The following AKAP13 variants were observed in gnomAD, a reference collection of about 807,000 sequenced individuals.
AKAP13 encodes the protein A-kinase anchoring protein 13.
Under a neutral mutation model 264.5 loss-of-function variants are expected in AKAP13, and 80 were observed. That is an observed-to-expected ratio of 0.30 (90% confidence interval 0.25 to 0.36). AKAP13 has a LOEUF of 0.36. Among genes scored for constraint, AKAP13 ranks in the 10% least tolerant of loss-of-function variants. The probability of loss-of-function intolerance (pLI) is 1.00; values close to 1 mark genes in which losing one functional copy is unlikely to be tolerated. For synonymous variants in AKAP13, 1,380 were observed against 1,250.2 expected, an observed-to-expected ratio of 1.10 and a Z score of -2.19; for missense variants, 3,712 against 3,435.2, an observed-to-expected ratio of 1.08 and a Z score of -2.01.
intron 1 of AKAP13, among the ~76,000 whole-genome samples, chr15:85,406,995 C>T (rs1038277313): frequency 2.6e-5 from 4 of 151,520 alleles, no homozygotes; most frequent in Non-Finnish European, 5.9e-5. Flanking sequence ...GATTTTTTGT[C>T]CTACTTACAA....
At chr15:85,732,708 A>T (rs575276145) in intron 30 of AKAP13, among the ~76,000 whole-genome samples, 42 of 150,154 alleles carry the variant, frequency 2.8e-4, no homozygotes, top group African/African-American at 9.5e-4. Context: ...TTCTGGCTTT[A>T]TCCAACCTAT....
In AKAP13 at chr15:85,708,724, G is replaced by A. The variant is rs1253441997; in HGVS notation, c.5532+638G>A. On this transcript the variant is annotated intron_variant, in intron 18 of 36. Transcript: ENST00000394518. The surrounding 1 kb of genome is among the most constrained non-coding windows in gnomAD (Gnocchi z 4.3). ...CTGTGAGGTTTTCAATGTTCTAGTC[G>A]CCTGTAAGTGTCTCTTCATTCCTTG... Among the ~76,000 whole-genome samples the A allele has an allele frequency of 1.7e-4, 26 of 151,816 alleles. No homozygotes were observed. The highest frequency in any genetic ancestry group is 1.7e-3 in the Admixed American group (26 of 15,216).
chr15:85,404,504 C>A (rs575934453), intron 1 of AKAP13, among the ~76,000 whole-genome samples: 1 of 152,252 alleles, frequency 6.6e-6, no homozygotes, highest in Non-Finnish European at 1.5e-5. Context: ...GAGGCTAGAC[C>A]CTAGGGACAC....
chr15:85,417,696 A>G (rs1331201231), intron 1 of AKAP13, among the ~76,000 whole-genome samples: 1 of 152,226 alleles, frequency 6.6e-6, no homozygotes, highest in Non-Finnish European at 1.5e-5. Flanking sequence ...TATTCCAACC[A>G]TTACGTTCTA....
chr15:85,655,887 T>C, intron 11 of AKAP13, 100 bp downstream of exon 11: 3 of 1,478,618 alleles, frequency 2.0e-6, no homozygotes, highest in Non-Finnish European at 1.8e-6. Context: ...GGAGACCCCA[T>C]AGTATAGAAG....
intron 29 of AKAP13, among the ~76,000 whole-genome samples, chr15:85,729,534 G>T (rs2087838730): frequency 6.6e-6 from 1 of 152,174 alleles, no homozygotes. Flanking sequence ...ATGGTCTGCT[G>T]CTAAGAAAGG....
chr15:85,556,819 C>T (rs978485518), intron 5 of AKAP13, among the ~76,000 whole-genome samples: 4 of 152,192 alleles, frequency 2.6e-5, no homozygotes, highest in Admixed American at 6.5e-5. Flanking sequence ...GTTAGGTCAC[C>T]TCCTCAGAAA....
At chr15:85,676,176 G>T (rs2084218027) in intron 14 of AKAP13, among the ~76,000 whole-genome samples, 1 of 152,196 alleles carries the variant, frequency 6.6e-6, no homozygotes, top group African/African-American at 2.4e-5. Flanking sequence ...CTCCCAAAGT[G>T]CTGGGATTAC....
chr15:85,391,153 A>G (rs924178928), intron 1 of AKAP13, among the ~76,000 whole-genome samples: 3 of 152,246 alleles, frequency 2.0e-5, no homozygotes, highest in Non-Finnish European at 2.9e-5. Flanking sequence ...AAGGAAGGCT[A>G]GATATGAATG....
At chr15:85,546,970 CT>C (rs1481769942) in intron 5 of AKAP13, among the ~76,000 whole-genome samples, 17 of 152,218 alleles carry the variant, frequency 1.1e-4, no homozygotes, top group Admixed American at 2.0e-4. Flanking sequence ...TCTCGAACTT[CT>C]GACCTCGTGA....
intron 30 of AKAP13, among the ~76,000 whole-genome samples, chr15:85,734,546 C>A (rs111772612): frequency 1.0e-3 from 158 of 152,148 alleles, no homozygotes; most frequent in African/African-American, 3.7e-3. Context: ...TAGAAAAGAA[C>A]CCTAGTGGGC....
At chr15:85,401,940 A>G (rs558929173) in intron 1 of AKAP13, among the ~76,000 whole-genome samples, 10 of 152,342 alleles carry the variant, frequency 6.6e-5, no homozygotes, top group Admixed American at 2.0e-4. Flanking sequence ...TGTAAAGGAT[A>G]AATTCTGATG....
chr15:85,518,755 G>A (rs921926473), intron 2 of AKAP13, among the ~76,000 whole-genome samples: 2 of 152,210 alleles, frequency 1.3e-5, no homozygotes, highest in African/African-American at 4.8e-5. Flanking sequence ...CTTGAGTCCT[G>A]GAACTGCAGG....
intron 1 of AKAP13, among the ~76,000 whole-genome samples, chr15:85,386,304 A>T (rs1567031939): frequency 1.4e-5 from 2 of 145,986 alleles, no homozygotes; most frequent in East Asian, 2.0e-4. Flanking sequence ...ACAAGTTATT[A>T]TTTTTTTTTT....
chr15:85,414,703 A>G (rs2072152024), intron 1 of AKAP13, among the ~76,000 whole-genome samples: 1 of 152,188 alleles, frequency 6.6e-6, no homozygotes, highest in African/African-American at 2.4e-5. Flanking sequence ...ATGCATTTCT[A>G]AGATGAATAG....
At chr15:85,720,260 CTGTGTGTGTG>C (rs71141479) in intron 23 of AKAP13, among the ~76,000 whole-genome samples, 12 of 150,718 alleles carry the variant, frequency 8.0e-5, no homozygotes, top group African/African-American at 2.0e-4. Context: ...AAAACAAACT[CTGTGTGTGTG>C]TGTGTGTGTG....
intron 16 of AKAP13, among the ~76,000 whole-genome samples, chr15:85,687,690 A>G (rs2085022459): frequency 6.6e-6 from 1 of 151,648 alleles, no homozygotes; most frequent in African/African-American, 2.4e-5. Flanking sequence ...TTACTAGCTC[A>G]CTTTTAAATA....
chr15:85,606,569 A>G (rs894038519), intron 8 of AKAP13, among the ~76,000 whole-genome samples: 2 of 152,204 alleles, frequency 1.3e-5, no homozygotes, highest in African/African-American at 4.8e-5. Flanking sequence ...AACTGTGATA[A>G]TTGATGGATG....
intron 8 of AKAP13, chr15:85,635,114 A>G (rs1010738912): frequency 1.0e-5 from 4 of 398,114 alleles, no homozygotes; most frequent in African/African-American, 2.1e-5. Flanking sequence ...ATGTAAGTAT[A>G]TGTTTGACAT....
Sources: allele counts gnomAD v4.1 joint callset (sites outside exome capture counted in the v4.1 genomes callset), GRCh38; gene constraint gnomAD v4.1.1; non-coding constraint Gnocchi (gnomAD v3.1); transcripts MANE v1.5; gene names NCBI Gene and HGNC (gene_info 2026-07-23, HGNC 2026-07-21).